Variants in DNAH5 observed in about 807,000 individuals in gnomAD.
DNAH5 encodes axonemal beta dynein heavy chain 5.
A neutral mutation model predicts 518.2 loss-of-function variants in DNAH5; 372 were observed. The observed-to-expected ratio is 0.72, with a 90% confidence interval of 0.66 to 0.78. The LOEUF (loss-of-function observed/expected upper bound fraction) is 0.78, where lower values mean the gene tolerates loss of function less well. DNAH5 is among the 30% of genes least tolerant of loss of function. The pLI, the probability that DNAH5 is intolerant of heterozygous loss-of-function variation, is 0.00. For missense variants in DNAH5, 5,523 were observed against 5,687.0 expected (o/e 0.97, Z 0.93); for synonymous variants, 2,039 against 2,025.9 (o/e 1.01, Z -0.17).
At chr5:13,723,386 G>A (rs554109969) in intron 70 of DNAH5, among the ~76,000 whole-genome samples, 7 of 152,250 alleles carry the variant, frequency 4.6e-5, no homozygotes, top group South Asian at 2.1e-4. Context: ...CACATGTTCC[G>A]CCATCACTGC....
intron 64 of DNAH5, 45 bp from the exon 65 acceptor site, chr5:13,751,305 C>A (rs1750191513): frequency 2.0e-6 from 3 of 1,482,610 alleles, no homozygotes; most frequent in Non-Finnish European, 2.8e-6. Context: ...TAGAGATATA[C>A]CTTACTGTGT....
intron 1 of DNAH5, among the ~76,000 whole-genome samples, chr5:13,961,273 C>T (rs1282590596): frequency 2.6e-5 from 4 of 152,186 alleles, no homozygotes; most frequent in Admixed American, 1.3e-4. Context: ...AGGCAAAGTA[C>T]GTTTCCAGTA....
At chr5:13,856,973 A>T (rs193239711) in intron 30 of DNAH5, among the ~76,000 whole-genome samples, 1 of 152,350 alleles carries the variant, frequency 6.6e-6, no homozygotes, top group East Asian at 1.9e-4. Context: ...GCCCTCTCTC[A>T]CCACTCCTAT....
At chr5:13,914,010 T>C (rs1776353321) in intron 10 of DNAH5, 52 bp from the exon 11 acceptor site, 2 of 1,588,808 alleles carry the variant, frequency 1.3e-6, no homozygotes. Context: ...AGGTATCAAC[T>C]TTATTTTCTT....
At chr5:13,713,107 G>GTGTGTATATATATATATATATATATA in intron 75 of DNAH5, among the ~76,000 whole-genome samples, 1 of 139,950 alleles carries the variant, frequency 7.1e-6, no homozygotes, top group African/African-American at 2.7e-5. Flanking sequence ...GTGTGTGTGT[G>GTGTGTATATATATATATATATATATA]TATATATATA....
At chr5:13,985,432 T>TATATAC (rs1209634652) in intron 1 of DNAH5, among the ~76,000 whole-genome samples, 1 of 5,514 alleles carries the variant, frequency 1.8e-4, no homozygotes, top group African/African-American at 6.1e-4. Context: ...TATAATAAAA[T>TATATAC]ATATATATAT....
At chr5:13,797,301 A>C (rs1757983176) in intron 47 of DNAH5, among the ~76,000 whole-genome samples, 1 of 152,214 alleles carries the variant, frequency 6.6e-6, no homozygotes, top group South Asian at 2.1e-4. Context: ...CAATCTACCC[A>C]TCTGAAAAAG....
rs1580357237 is a variant in DNAH5, at chr5:13,809,191, G to C, written c.7610-5C>G. On this transcript the variant is annotated splice_polypyrimidine_tract_variant and splice_region_variant and intron_variant, in intron 45 of 78. Coordinates refer to ENST00000265104, the MANE Select transcript of DNAH5 (RefSeq NM_001369.3). ...TGTTCCAGTGCGTCCATGTACCTAAGGTGAGCAGAGGACATTTCCATCTCC... is the reference window on the plus strand; with the variant it reads ...TGTTCCAGTGCGTCCATGTACCTAACGTGAGCAGAGGACATTTCCATCTCC... 1 of 1,613,986 alleles carries C rather than the reference G, an allele frequency of 6.2e-7. No homozygotes were observed.
At chr5:13,903,904 T>C (rs1428576829) in intron 12 of DNAH5, among the ~76,000 whole-genome samples, 1 of 152,044 alleles carries the variant, frequency 6.6e-6, no homozygotes, top group Non-Finnish European at 1.5e-5. Context: ...GAGGGAGAGA[T>C]ACGATTACTA....
At chr5:14,008,549 C>T (rs1013234676) in intron 1 of DNAH5, among the ~76,000 whole-genome samples, 4 of 151,572 alleles carry the variant, frequency 2.6e-5, no homozygotes, top group Non-Finnish European at 5.9e-5. Flanking sequence ...ACAGAAGAAT[C>T]GAGAATTGCT....
At chr5:13,742,038 A>T in intron 65 of DNAH5, among the ~76,000 whole-genome samples, 1 of 152,142 alleles carries the variant, frequency 6.6e-6, no homozygotes, top group East Asian at 1.9e-4. Flanking sequence ...AAATTTTCAG[A>T]AGCATGATAA....
chr5:13,725,054 G>A (rs1745540631), intron 70 of DNAH5, among the ~76,000 whole-genome samples: 2 of 152,174 alleles, frequency 1.3e-5, no homozygotes, highest in South Asian at 4.1e-4. Context: ...TCTGTCCCAG[G>A]CAGTGCAACA....
At chr5:13,771,622 A>G (rs1753348928) in intron 55 of DNAH5, among the ~76,000 whole-genome samples, 1 of 152,190 alleles carries the variant, frequency 6.6e-6, no homozygotes, top group African/African-American at 2.4e-5. Flanking sequence ...TGCTATGGGA[A>G]TAGGCTCATC....
At position 13,913,908 on chromosome 5, in the gene DNAH5, T is replaced by C. The variant is rs750936789; in HGVS notation, c.1371A>G (p.Pro457=). 4 of 1,613,602 alleles carry C rather than the reference T, an allele frequency of 2.5e-6. No individual in the cohort carries two copies. The highest frequency in any genetic ancestry group is 3.4e-6 in the Non-Finnish European group (4 of 1,179,574). Residue 457 remains proline (P), a synonymous_variant, in exon 11 of 79, where the codon CCA becomes CCG. Coordinates refer to ENST00000265104, the MANE Select transcript of DNAH5 (RefSeq NM_001369.3). ...HKTKQKLKQN[P]NAKQFDFSEM... Reference sequence around the variant, plus strand: ...CGCTAAAATCAAATTGTTTTGCATTTGGATTTTGTTTAAGCTTTTGTTTTG... The same window carrying C: ...CGCTAAAATCAAATTGTTTTGCATTCGGATTTTGTTTAAGCTTTTGTTTTG...
In DNAH5 at chr5:13,737,385, G is replaced by A. The variant is rs267600357; in HGVS notation, c.11322C>T (p.Ser3774=). 29 of 1,614,008 alleles carry A rather than the reference G, an allele frequency of 1.8e-5. No individual in the cohort carries two copies. The African/African-American group carries it at 3.1e-4, about 17-fold the overall frequency. Reference sequence around the variant, plus strand: ...CAATGAGACTTTCATCTTCTACCAGGGACCCCTGGGTACTTGTCAGGCGGT... The same window carrying A: ...CAATGAGACTTTCATCTTCTACCAGAGACCCCTGGGTACTTGTCAGGCGGT... ...LLYRLTSTQG[S]LVEDESLIVV... The change falls in exon 66 of 79, where the codon TCC becomes TCT. Residue 3774 remains serine, a synonymous_variant. Coordinates refer to ENST00000265104, the MANE Select transcript of DNAH5 (RefSeq NM_001369.3).
chr5:13,708,055 C>G, intron 76 of DNAH5, 68 bp downstream of exon 76: 1 of 1,523,050 alleles, frequency 6.6e-7, no homozygotes. Context: ...TTCATGCTTT[C>G]CACTTGCCAA....
At chr5:13,847,546 C>T (rs899549022) in intron 31 of DNAH5, among the ~76,000 whole-genome samples, 10 of 141,506 alleles carry the variant, frequency 7.1e-5, no homozygotes, top group African/African-American at 2.7e-4. Flanking sequence ...ATGGTGAAAC[C>T]TCGTCTCTAC....
chr5:13,975,442 C>T (rs1018001380), intron 1 of DNAH5, among the ~76,000 whole-genome samples: 1 of 152,156 alleles, frequency 6.6e-6, no homozygotes, highest in Non-Finnish European at 1.5e-5. Flanking sequence ...CAGATGCCAG[C>T]CCATAGCTCT....
intron 1 of DNAH5, among the ~76,000 whole-genome samples, chr5:13,980,575 CT>C (rs1273946273): frequency 6.6e-6 from 1 of 152,148 alleles, no homozygotes; most frequent in Non-Finnish European, 1.5e-5. Context: ...ACCAGCTCTG[CT>C]GCAAAATATA....
Sources: gnomAD v4.1 joint callset for allele counts (sites outside exome capture counted in the v4.1 genomes callset) on GRCh38, gnomAD v4.1.1 for gene constraint, MANE v1.5 for transcripts, NCBI Gene and HGNC (gene_info 2026-07-23, HGNC 2026-07-21) for gene names.